The following TRDN variants were observed in gnomAD, a reference collection of about 807,000 sequenced individuals.
TRDN encodes triadin in skeletal muscle.
TRDN carries 161 observed loss-of-function variants against 149.7 expected under a neutral mutation model. The ratio of observed to expected loss-of-function variants is 1.08; its 90% CI spans 0.95 to 1.23. The LOEUF (loss-of-function observed/expected upper bound fraction) is 1.23, where lower values mean the gene tolerates loss of function less well. Among genes scored for constraint, TRDN ranks in the 50% most tolerant of loss-of-function variants. The pLI, the probability that TRDN is intolerant of heterozygous loss-of-function variation, is 0.00. For missense variants in TRDN, 896 were observed against 823.5 expected (o/e 1.09, Z -1.08); for synonymous variants, 294 against 250.5 (o/e 1.17, Z -1.64).
intron 27 of TRDN, among the ~76,000 whole-genome samples, chr6:123,273,847 A>G (rs1411621823): frequency 6.6e-6 from 1 of 152,002 alleles, no homozygotes; most frequent in East Asian, 1.9e-4. Context: ...GTTTTTTTGA[A>G]CTTGCCTCAG....
chr6:123,632,700 C>G (rs1429935655), intron 1 of TRDN, among the ~76,000 whole-genome samples: 2 of 152,030 alleles, frequency 1.3e-5, no homozygotes, highest in Non-Finnish European at 2.9e-5. Context: ...TTTGTACCCC[C>G]AGCTCATCCC....
intron 23 of TRDN, among the ~76,000 whole-genome samples, chr6:123,323,931 T>C (rs939077772): frequency 4.6e-5 from 7 of 152,174 alleles, no homozygotes; most frequent in Admixed American, 6.6e-5. Context: ...TGAGATATAA[T>C]TGGAGGTGGC....
At position 123,596,581 on chromosome 6, in the gene TRDN, C is replaced by T. The variant is rs111908838; in HGVS notation, c.23-25449G>A. On this transcript the variant is annotated intron_variant, in intron 1 of 40. Transcript: ENST00000334268. ...GAGAAGTCAATGCTTGGCTTCAAAG[C>T]TTCAAAGGACAGGCTAACTCTATCA... Among the ~76,000 whole-genome samples, 1,479 of 152,188 alleles carry T rather than the reference C, an allele frequency of 9.7e-3. 11 individuals carry two copies. Among genetic ancestry groups the T allele is most frequent in the Non-Finnish European group, 0.015 (1,001 of 67,976 alleles).
intron 26 of TRDN, 86 bp downstream of exon 26, chr6:123,278,230 GTA>G: frequency 1.1e-6 from 1 of 898,128 alleles, no homozygotes; most frequent in Non-Finnish European, 1.6e-6. Context: ...TAAAATATTT[GTA>G]CTAGGACATG....
intron 38 of TRDN, among the ~76,000 whole-genome samples, chr6:123,233,504 C>G (rs560422486): frequency 1.6e-3 from 249 of 152,164 alleles, no homozygotes; most frequent in Non-Finnish European, 3.0e-3. Context: ...AAACACGGCT[C>G]TCTTGAGGGC....
chr6:123,519,269 C>T (rs1169701414), intron 5 of TRDN, among the ~76,000 whole-genome samples: 2 of 152,140 alleles, frequency 1.3e-5, no homozygotes, highest in Admixed American at 6.5e-5. Context: ...CCTGCTGTTC[C>T]TGCCCTTGCC....
At chr6:123,632,466 T>C (rs1786056229) in intron 1 of TRDN, among the ~76,000 whole-genome samples, 2 of 152,060 alleles carry the variant, frequency 1.3e-5, no homozygotes, top group South Asian at 2.1e-4. Context: ...TGCTACATAA[T>C]GAAAAAATCC....
intron 33 of TRDN, among the ~76,000 whole-genome samples, chr6:123,263,475 T>A (rs1776840971): frequency 6.6e-6 from 1 of 152,034 alleles, no homozygotes; most frequent in Admixed American, 6.6e-5. Context: ...CTAGCTAAGA[T>A]AATTGACCAA....
intron 12 of TRDN, among the ~76,000 whole-genome samples, chr6:123,419,924 CAAAT>C (rs1773825320): frequency 6.6e-6 from 1 of 152,120 alleles, no homozygotes; most frequent in South Asian, 2.1e-4. Flanking sequence ...CTCTCGAAAA[CAAAT>C]GAATGTGTGC....
At chr6:123,256,810 C>A (rs532377609) in intron 35 of TRDN, among the ~76,000 whole-genome samples, 42 of 152,060 alleles carry the variant, frequency 2.8e-4, no homozygotes, top group Non-Finnish European at 5.9e-4. Context: ...TGTGCAGAAG[C>A]TCTTTACTTT....
chr6:123,471,078 C>T (rs1334704166), intron 9 of TRDN: 1 of 152,164 alleles, frequency 6.6e-6, no homozygotes, highest in Non-Finnish European at 1.5e-5. Context: ...GAATGACTTT[C>T]GGAGTAATGG....
chr6:123,576,535 C>T (rs1022361639), intron 1 of TRDN, among the ~76,000 whole-genome samples: 1 of 151,848 alleles, frequency 6.6e-6, no homozygotes, highest in African/African-American at 2.4e-5. Flanking sequence ...CCTACCTACC[C>T]ACTCCATTCA....
chr6:123,578,219 C>G (rs1338513136), intron 1 of TRDN, among the ~76,000 whole-genome samples: 1 of 152,054 alleles, frequency 6.6e-6, no homozygotes, highest in African/African-American at 2.4e-5. Flanking sequence ...TTCCTATGTC[C>G]AGGATGATAT....
At chr6:123,280,340 T>A (rs1396811194) in intron 24 of TRDN, among the ~76,000 whole-genome samples, 1 of 152,170 alleles carries the variant, frequency 6.6e-6, no homozygotes, top group African/African-American at 2.4e-5. Context: ...AACTTTATAA[T>A]AAGCTTTGAA....
chr6:123,425,624 A>G (rs1196877090), intron 12 of TRDN, among the ~76,000 whole-genome samples: 2 of 152,108 alleles, frequency 1.3e-5, no homozygotes, highest in East Asian at 3.9e-4. Context: ...GTTGTCTAAG[A>G]GGGTGAGTGA....
Position 123,484,102 on chromosome 6 carries a change from C to T in TRDN, c.853+13091G>A, listed in dbSNP as rs180850497. Among the ~76,000 whole-genome samples the T allele has an allele frequency of 1.1e-3, 169 of 152,056 alleles. 1 individual carries two copies. The highest frequency in any genetic ancestry group is 3.9e-3 in the African/African-American group (162 of 41,504). ...ACGTTAATGTTAATATTGCAAAATTCATTTTTGTCTTCATCTTTTGCAAAT... is the reference window on the plus strand; with the variant it reads ...ACGTTAATGTTAATATTGCAAAATTTATTTTTGTCTTCATCTTTTGCAAAT... On this transcript the variant is annotated intron_variant, in intron 9 of 40. Coordinates refer to ENST00000334268, the MANE Select transcript of TRDN (RefSeq NM_006073.4).
At chr6:123,499,719 A>AAAAAAAAAAAAAAAAAAAAAAAAAAAAT in intron 8 of TRDN, among the ~76,000 whole-genome samples, 1 of 47,678 alleles carries the variant, frequency 2.1e-5, no homozygotes, top group East Asian at 5.2e-4. Flanking sequence ...AAAAAAAAAA[A>AAAAAAAAAAAAAAAAAAAAAAAAAAAAT]ATATATATAT....
intron 22 of TRDN, 29 bp from the exon 23 acceptor site, chr6:123,331,958 A>C: frequency 6.6e-7 from 1 of 1,504,154 alleles, no homozygotes; most frequent in Non-Finnish European, 8.9e-7. Context: ...CATTTATTTG[A>C]AGCCAAGACA....
chr6:123,365,811 T>A (rs1208478955), intron 20 of TRDN, among the ~76,000 whole-genome samples: 1 of 152,210 alleles, frequency 6.6e-6, no homozygotes, highest in African/African-American at 2.4e-5. Flanking sequence ...ATTCCTAATC[T>A]CTTAAGGCAG....
Sources: allele counts gnomAD v4.1 joint callset (sites outside exome capture counted in the v4.1 genomes callset), GRCh38; gene constraint gnomAD v4.1.1; transcripts MANE v1.5; gene names NCBI Gene and HGNC (gene_info 2026-07-23, HGNC 2026-07-21).